Variants in MEIKIN observed in about 807,000 individuals in gnomAD.
The protein encoded by MEIKIN is meiosis-specific kinetochore protein.
At chr5:131,943,620 A>AT (rs964067109) in intron 3 of MEIKIN, among the ~76,000 whole-genome samples, 10 of 152,018 alleles carry the variant, frequency 6.6e-5, no homozygotes, top group Non-Finnish European at 1.0e-4. Context: ...ACAACTGGTC[A>AT]TTTTTTTTAA....
intron 8 of MEIKIN, among the ~76,000 whole-genome samples, chr5:131,896,377 G>C (rs149835063): frequency 2.7e-4 from 41 of 152,278 alleles, no homozygotes; most frequent in African/African-American, 9.1e-4. Flanking sequence ...TTGGGGTGGA[G>C]AGTTCTGTAG....
chr5:131,835,591 C>G (rs778660426), intron 11 of MEIKIN, among the ~76,000 whole-genome samples: 27 of 152,024 alleles, frequency 1.8e-4, no homozygotes, highest in Non-Finnish European at 3.1e-4. Context: ...GTGTATATAT[C>G]TGTCTTTTTT....
chr5:131,836,468 G>T (rs549962094), intron 11 of MEIKIN, among the ~76,000 whole-genome samples: 81 of 152,270 alleles, frequency 5.3e-4, no homozygotes, highest in African/African-American at 1.7e-3. Flanking sequence ...TCAAGAAATT[G>T]CCATAATGCT....
At chr5:131,842,818 C>A (rs2149611983) in intron 11 of MEIKIN, among the ~76,000 whole-genome samples, 1 of 152,324 alleles carries the variant, frequency 6.6e-6, no homozygotes, top group South Asian at 2.1e-4. Flanking sequence ...TTTACAACAT[C>A]TTTTTATTTT....
intron 11 of MEIKIN, among the ~76,000 whole-genome samples, chr5:131,837,128 T>G (rs1020175459): frequency 4.6e-5 from 7 of 152,094 alleles, no homozygotes; most frequent in Non-Finnish European, 1.0e-4. Flanking sequence ...GAATAGGGAG[T>G]CCTTTTTCCT....
In MEIKIN at chr5:131,897,785, C is replaced by T. The variant is rs140756034; in HGVS notation, c.703+14030G>A. Among the ~76,000 whole-genome samples, 434 of 152,268 alleles carry T rather than the reference C, an allele frequency of 2.9e-3. 3 individuals carry two copies. The highest frequency in any genetic ancestry group is 0.01 in the African/African-American group (418 of 41,548). ...ACACTGTTTATTCTAGTTAGCCATT[C>T]GTCTAACCTTTTTTCAAGGTTTTTA... On this transcript the variant is annotated intron_variant, in intron 8 of 12. Transcript: ENST00000442687.
chr5:131,933,526 T>C lies in MEIKIN; in HGVS notation c.465A>G (p.Lys155=), dbSNP rs140149056. 1.6e-3 allele frequency: 650 copies of C among 398,830 alleles called. 6 individuals are homozygous for C. Among genetic ancestry groups the C allele is most frequent in the African/African-American group, 0.012 (572 of 48,750 alleles). 24.7% of individuals were successfully genotyped at this position (398,830 alleles called of 1,614,324 possible). A position where few individuals can be genotyped will look rare whatever the true frequency, so the allele number is the denominator to read the frequency against. ...ESFPSPELFR[K]SDYLDWECPN... is the part of the protein sequence containing the mutation. ...TTACTTTCTCACCTAAATAATCTGA[T>C]TTTCTGAACAGTTCAGGTGATGGAA... Residue 155 remains lysine (K), a synonymous_variant, in exon 5 of 13, where the codon AAA becomes AAG. Coordinates refer to ENST00000442687, the MANE Select transcript of MEIKIN (RefSeq NM_001303622.2).
chr5:131,914,639 T>G (rs1751386566), intron 7 of MEIKIN, among the ~76,000 whole-genome samples: 1 of 150,896 alleles, frequency 6.6e-6, no homozygotes, highest in African/African-American at 2.4e-5. Flanking sequence ...TTCTTTTTCT[T>G]TATAATATAA....
At chr5:131,855,910 A>G (rs1750184295) in intron 9 of MEIKIN, among the ~76,000 whole-genome samples, 1 of 152,210 alleles carries the variant, frequency 6.6e-6, no homozygotes, top group Non-Finnish European at 1.5e-5. Flanking sequence ...TATTTCTAGA[A>G]ATCAGCTGCC....
At chr5:131,935,809 C>T (rs1751767073) in intron 4 of MEIKIN, among the ~76,000 whole-genome samples, 2 of 152,150 alleles carry the variant, frequency 1.3e-5, no homozygotes, top group African/African-American at 4.8e-5. Context: ...TGTTTTCTAC[C>T]TGGCCATCTT....
intron 7 of MEIKIN, 43 bp downstream of exon 7, chr5:131,916,843 A>C (rs1751422072): frequency 2.5e-6 from 1 of 396,390 alleles, no homozygotes; most frequent in Admixed American, 4.4e-5. Flanking sequence ...ATTATAATAC[A>C]GGGTTTCAGA....
chr5:131,927,839 T>C (rs1457698921), intron 5 of MEIKIN, among the ~76,000 whole-genome samples: 3 of 152,178 alleles, frequency 2.0e-5, no homozygotes, highest in Admixed American at 6.5e-5. Flanking sequence ...TTTTAGTGTA[T>C]GTATCCTTAA....
intron 11 of MEIKIN, among the ~76,000 whole-genome samples, chr5:131,824,616 A>G (rs1749579165): frequency 6.6e-6 from 1 of 152,210 alleles, no homozygotes; most frequent in Non-Finnish European, 1.5e-5. Context: ...AAGTTTTTGA[A>G]ATAAAAAATT....
chr5:131,849,802 C>CT (rs1288464623), intron 11 of MEIKIN, among the ~76,000 whole-genome samples: 5 of 151,702 alleles, frequency 3.3e-5, no homozygotes, highest in Admixed American at 1.3e-4. Flanking sequence ...TTTCAACATA[C>CT]TACTGATAGT....
chr5:131,895,597 T>A (rs1751026031), intron 8 of MEIKIN, among the ~76,000 whole-genome samples: 1 of 152,230 alleles, frequency 6.6e-6, no homozygotes, highest in South Asian at 2.1e-4. Context: ...AGAGTCAACT[T>A]CTTCCTGGTT....
At chr5:131,845,721 G>C (rs992239149) in intron 11 of MEIKIN, among the ~76,000 whole-genome samples, 1 of 151,956 alleles carries the variant, frequency 6.6e-6, no homozygotes, top group African/African-American at 2.4e-5. Context: ...TTGAAAATAG[G>C]ACAATGAATC....
intron 8 of MEIKIN, among the ~76,000 whole-genome samples, chr5:131,901,811 A>T (rs1468207201): frequency 1.3e-5 from 2 of 152,166 alleles, no homozygotes; most frequent in Non-Finnish European, 2.9e-5. Flanking sequence ...ACCCCCAAGG[A>T]TATCAAACAG....
chr5:131,834,623 A>G (rs1437281185), intron 11 of MEIKIN, among the ~76,000 whole-genome samples: 1 of 152,182 alleles, frequency 6.6e-6, no homozygotes, highest in Non-Finnish European at 1.5e-5. Context: ...GCATACTGTC[A>G]TCCAGGTTCA....
chr5:131,910,166 C>A (rs924681452), intron 8 of MEIKIN, among the ~76,000 whole-genome samples: 3 of 152,108 alleles, frequency 2.0e-5, no homozygotes, highest in Non-Finnish European at 4.4e-5. Context: ...TTGGAAGCAA[C>A]CTAAGTGTCC....
Sources: gnomAD v4.1 joint callset for allele counts (sites outside exome capture counted in the v4.1 genomes callset) on GRCh38, gnomAD v4.1.1 for gene constraint, MANE v1.5 for transcripts, NCBI Gene and HGNC (gene_info 2026-07-23, HGNC 2026-07-21) for gene names.